Variants in SMYD3 observed in about 807,000 individuals in gnomAD.
SMYD3 encodes the protein histone-lysine N-methyltransferase SMYD3.
SMYD3 carries 36 observed loss-of-function variants against 57.7 expected under a neutral mutation model. That is an observed-to-expected ratio of 0.62 (90% CI 0.48 to 0.82). The LOEUF (loss-of-function observed/expected upper bound fraction) is 0.82. Ranked by LOEUF, SMYD3 falls within the 40% of genes least tolerant of loss-of-function variation. The probability of loss-of-function intolerance (pLI) is 0.00; values close to 1 mark genes in which losing one functional copy is unlikely to be tolerated. For missense variants in SMYD3, 515 were observed against 538.8 expected, an observed-to-expected ratio of 0.96 and a Z score of 0.44; for synonymous variants, 211 against 195.0, an observed-to-expected ratio of 1.08 and a Z score of -0.68.
At chr1:245,989,182 G>A (rs1480348924) in intron 5 of SMYD3, among the ~76,000 whole-genome samples, 1 of 141,608 alleles carries the variant, frequency 7.1e-6, no homozygotes, top group Non-Finnish European at 1.6e-5. Context: ...CTGACGACTG[G>A]TTTCTGCAGC....
chr1:246,503,654 G>A (rs1305151774), intron 1 of SMYD3, among the ~76,000 whole-genome samples: 2 of 152,104 alleles, frequency 1.3e-5, no homozygotes, highest in African/African-American at 4.8e-5. Flanking sequence ...TGCATGCAAC[G>A]GCAGAAGGAC....
chr1:245,980,437 C>T (rs1365319785), intron 5 of SMYD3, among the ~76,000 whole-genome samples: 4 of 152,334 alleles, frequency 2.6e-5, no homozygotes, highest in East Asian at 1.9e-4. Context: ...CAGAGGGCAA[C>T]GAAGTCATTG....
intron 5 of SMYD3, among the ~76,000 whole-genome samples, chr1:246,233,607 A>C (rs373213561): frequency 7.3e-5 from 10 of 136,654 alleles, no homozygotes; most frequent in East Asian, 2.8e-4. Context: ...CACTGTGATG[A>C]ACATATACCA....
At chr1:246,477,964 G>A (rs2068049979) in intron 1 of SMYD3, among the ~76,000 whole-genome samples, 1 of 152,180 alleles carries the variant, frequency 6.6e-6, no homozygotes, top group Admixed American at 6.5e-5. Flanking sequence ...AAACATAAAA[G>A]TCAGTCTCAG....
chr1:246,376,043 C>T (rs1358340521), intron 1 of SMYD3, among the ~76,000 whole-genome samples: 1 of 152,006 alleles, frequency 6.6e-6, no homozygotes, highest in Non-Finnish European at 1.5e-5. Flanking sequence ...AAATCCAATT[C>T]TTAATAAAGT....
intron 5 of SMYD3, among the ~76,000 whole-genome samples, chr1:245,943,209 GTT>G (rs58081595): frequency 0.047 from 5,435 of 115,324 alleles, 126 homozygotes; most frequent in Middle Eastern, 0.062. Context: ...CAGGGGCTGA[GTT>G]TTTTTTTTTT....
chr1:246,107,146 GC>G lies in SMYD3; in HGVS notation c.532-177210del, dbSNP rs1558234254. 1.4e-5 allele frequency among the ~76,000 whole-genome samples: 2 copies of G among 147,150 alleles called. 1 individual carries two copies. The highest frequency in any genetic ancestry group is 5.1e-5 in the African/African-American group (2 of 39,046). ...ACTAAAAATACAAAAAATTAGCCAG[GC>G]GTGGTGGCAGGCGCCTGTAGTCCCA... is the stretch of plus-strand genomic sequence containing the variant. On this transcript the variant is annotated intron_variant, in intron 5 of 11. Transcript: ENST00000490107.
intron 5 of SMYD3, among the ~76,000 whole-genome samples, chr1:246,304,197 C>T (rs1454566715): frequency 1.3e-5 from 2 of 152,116 alleles, no homozygotes; most frequent in East Asian, 1.9e-4. Flanking sequence ...TTCAGATGCT[C>T]GTAACTAAGA....
chr1:245,875,014 C>G (rs149906577), intron 8 of SMYD3, among the ~76,000 whole-genome samples: 21 of 152,358 alleles, frequency 1.4e-4, no homozygotes, highest in African/African-American at 4.8e-4. Flanking sequence ...CTTAGACGCT[C>G]CTGCAAGCAG....
chr1:246,211,960 C>T (rs2063095802), intron 5 of SMYD3, among the ~76,000 whole-genome samples: 2 of 150,596 alleles, frequency 1.3e-5, no homozygotes, highest in Admixed American at 6.6e-5. Context: ...ATACATATTA[C>T]CTCAGATAAT....
chr1:245,973,484 CAGG>C (rs2058350970), intron 5 of SMYD3, among the ~76,000 whole-genome samples: 1 of 152,104 alleles, frequency 6.6e-6, no homozygotes, highest in South Asian at 2.1e-4. Context: ...TCAACTTTCA[CAGG>C]AGTTTTATCA....
chr1:246,105,875 A>G (rs1400466276), intron 5 of SMYD3, among the ~76,000 whole-genome samples: 2 of 152,218 alleles, frequency 1.3e-5, no homozygotes, highest in African/African-American at 4.8e-5. Flanking sequence ...TTTCCAAAAC[A>G]TCCACTGCTA....
intron 5 of SMYD3, among the ~76,000 whole-genome samples, chr1:245,961,532 G>A (rs2058007333): frequency 6.3e-4 from 1 of 1,600 alleles, no homozygotes; most frequent in Admixed American, 0.015. Context: ...CTCCAAACTG[G>A]AGGCCTAAAT....
chr1:246,050,060 A>G (rs576752216), intron 5 of SMYD3, among the ~76,000 whole-genome samples: 1 of 152,354 alleles, frequency 6.6e-6, no homozygotes, highest in Non-Finnish European at 1.5e-5. Flanking sequence ...ACCAACAAAC[A>G]ACCTTTCACG....
chr1:246,159,132 A>C (rs1031141176), intron 5 of SMYD3, among the ~76,000 whole-genome samples: 2 of 152,122 alleles, frequency 1.3e-5, no homozygotes, highest in Non-Finnish European at 2.9e-5. Context: ...ACCATTAAAA[A>C]AGGTTTTTCT....
chr1:246,241,553 C>G (rs2063610969), intron 5 of SMYD3, among the ~76,000 whole-genome samples: 2 of 151,952 alleles, frequency 1.3e-5, no homozygotes, highest in African/African-American at 4.8e-5. Flanking sequence ...CTAAAATTAT[C>G]TTTTTTTTGT....
At chr1:245,986,530 A>C (rs1424748406) in intron 5 of SMYD3, among the ~76,000 whole-genome samples, 1 of 152,250 alleles carries the variant, frequency 6.6e-6, no homozygotes, top group Admixed American at 6.5e-5. Context: ...ATGATGCCAT[A>C]AACAAAATTA....
intron 10 of SMYD3, among the ~76,000 whole-genome samples, chr1:245,806,427 G>T (rs1173678921): frequency 6.6e-6 from 1 of 152,152 alleles, no homozygotes; most frequent in Non-Finnish European, 1.5e-5. Context: ...GAAAACTGAG[G>T]CTCAGGGAAG....
At chr1:246,038,787 A>G (rs2059821210) in intron 5 of SMYD3, among the ~76,000 whole-genome samples, 2 of 152,198 alleles carry the variant, frequency 1.3e-5, no homozygotes, top group Admixed American at 1.3e-4. Flanking sequence ...ACTGTGCTCC[A>G]GGGTCTAAAG....
Sources: allele counts gnomAD v4.1 joint callset (sites outside exome capture counted in the v4.1 genomes callset), GRCh38; gene constraint gnomAD v4.1.1; transcripts MANE v1.5; gene names NCBI Gene and HGNC (gene_info 2026-07-23, HGNC 2026-07-21).